Variants in CNTNAP2 observed in about 807,000 individuals in gnomAD.
The protein encoded by CNTNAP2 is contactin associated protein 2, also known as contactin-associated protein-like 2.
A neutral mutation model predicts 155.2 loss-of-function variants in CNTNAP2; 98 were observed. The observed-to-expected ratio is 0.63, with a 90% CI of 0.54 to 0.75. The LOEUF (loss-of-function observed/expected upper bound fraction) is 0.75, where lower values mean the gene tolerates loss of function less well. Among genes scored for constraint, CNTNAP2 ranks in the 30% least tolerant of loss-of-function variants. The pLI is 0.00. For missense variants in CNTNAP2, 1,727 were observed against 1,688.1 expected (o/e 1.02, Z -0.40); for synonymous variants, 651 against 631.2 (o/e 1.03, Z -0.47).
At chr7:147,009,372 T>C (rs867866078) in intron 3 of CNTNAP2, among the ~76,000 whole-genome samples, 2 of 152,280 alleles carry the variant, frequency 1.3e-5, no homozygotes, top group Middle Eastern at 6.8e-3. Flanking sequence ...TCAAGCCATA[T>C]AATGTCTAAC....
At chr7:147,083,984 A>G (rs1800210508) in intron 4 of CNTNAP2, among the ~76,000 whole-genome samples, 2 of 132,150 alleles carry the variant, frequency 1.5e-5, no homozygotes, top group Admixed American at 8.8e-5. Context: ...ATACACATAT[A>G]TGTATATATA....
intron 1 of CNTNAP2, among the ~76,000 whole-genome samples, chr7:146,716,972 A>T (rs148282685): frequency 8.5e-5 from 13 of 152,146 alleles, no homozygotes; most frequent in Admixed American, 7.9e-4. Context: ...ATTCAAGAAG[A>T]CAGACTCTCA....
At chr7:147,835,080 A>G (rs544820156) in intron 13 of CNTNAP2, among the ~76,000 whole-genome samples, 181 of 152,294 alleles carry the variant, frequency 1.2e-3, no homozygotes, top group African/African-American at 4.1e-3. Flanking sequence ...CTACCAAAGT[A>G]TCATTGTTTC....
At chr7:148,094,192 T>C (rs1185985856) in intron 15 of CNTNAP2, among the ~76,000 whole-genome samples, 1 of 152,244 alleles carries the variant, frequency 6.6e-6, no homozygotes, top group Non-Finnish European at 1.5e-5. Context: ...TTAATTTCTC[T>C]ATAAGCCTCA....
intron 8 of CNTNAP2, among the ~76,000 whole-genome samples, chr7:147,244,550 G>C (rs1470783262): frequency 6.6e-6 from 1 of 152,116 alleles, no homozygotes; most frequent in Non-Finnish European, 1.5e-5. Flanking sequence ...TAAATGCCAG[G>C]CACCAGTTTA....
intron 1 of CNTNAP2, among the ~76,000 whole-genome samples, chr7:146,484,540 A>G (rs947540754): frequency 6.6e-6 from 1 of 152,184 alleles, no homozygotes; most frequent in Non-Finnish European, 1.5e-5. Context: ...TATATTCACA[A>G]AAGAGTTGGT....
At chr7:146,405,308 T>C (rs1404978390) in intron 1 of CNTNAP2, among the ~76,000 whole-genome samples, 2 of 152,184 alleles carry the variant, frequency 1.3e-5, no homozygotes, top group Admixed American at 6.5e-5. Context: ...CAACCCTGAC[T>C]GAAAGAATCC....
In CNTNAP2 at chr7:147,269,210, G is replaced by C. The variant is rs1192381440; in HGVS notation, c.1349-30931G>C. 2.0e-5 allele frequency among the ~76,000 whole-genome samples: 3 copies of C among 152,106 alleles called. No homozygotes were observed. The East Asian group carries it at 5.8e-4, about 29-fold the overall frequency. On this transcript the variant is annotated intron_variant, in intron 8 of 23. Coordinates refer to ENST00000361727, the MANE Select transcript of CNTNAP2 (RefSeq NM_014141.6). The stretch of plus-strand genomic sequence containing the variant: ...AAAGACTTATTTTGTGTGTGTATAT[G>C]ACCATAAGATATTTCAAAATGCACT...
At chr7:146,568,437 G>A (rs922410507) in intron 1 of CNTNAP2, among the ~76,000 whole-genome samples, 3 of 152,038 alleles carry the variant, frequency 2.0e-5, no homozygotes, top group Non-Finnish European at 4.4e-5. Flanking sequence ...TTATATTGTC[G>A]TTAATTTACT....
chr7:146,219,183 T>C (rs1232221475), intron 1 of CNTNAP2, among the ~76,000 whole-genome samples: 1 of 152,090 alleles, frequency 6.6e-6, no homozygotes, highest in African/African-American at 2.4e-5. Flanking sequence ...AACAGCATGA[T>C]CATAAATCAC....
intron 1 of CNTNAP2, among the ~76,000 whole-genome samples, chr7:146,205,873 T>G (rs1476066663): frequency 6.6e-6 from 1 of 151,910 alleles, no homozygotes; most frequent in Non-Finnish European, 1.5e-5. Flanking sequence ...GACAGAAGTT[T>G]TATTCTTTCT....
intron 2 of CNTNAP2, among the ~76,000 whole-genome samples, chr7:146,787,672 G>C (rs993306094): frequency 1.3e-4 from 20 of 152,190 alleles, no homozygotes; most frequent in African/African-American, 4.3e-4. Context: ...TACCCGAGCA[G>C]GTTGTCACTG....
intron 11 of CNTNAP2, among the ~76,000 whole-genome samples, chr7:147,543,797 A>G (rs1247181451): frequency 1.3e-5 from 2 of 152,150 alleles, no homozygotes; most frequent in East Asian, 1.9e-4. Flanking sequence ...TCAGGATTCC[A>G]TACGCTCCAT....
intron 1 of CNTNAP2, among the ~76,000 whole-genome samples, chr7:146,682,663 T>C (rs1326216080): frequency 6.6e-6 from 1 of 152,170 alleles, no homozygotes; most frequent in Non-Finnish European, 1.5e-5. Context: ...AACTCTGTTG[T>C]GAAAAGAGTT....
At chr7:146,598,077 CT>C (rs1798890159) in intron 1 of CNTNAP2, among the ~76,000 whole-genome samples, 1 of 152,094 alleles carries the variant, frequency 6.6e-6, no homozygotes, top group Non-Finnish European at 1.5e-5. Flanking sequence ...CCTGCCTACT[CT>C]GTTTAATCAT....
chr7:146,558,524 C>T (rs1347523374), intron 1 of CNTNAP2, among the ~76,000 whole-genome samples: 1 of 152,090 alleles, frequency 6.6e-6, no homozygotes, highest in Non-Finnish European at 1.5e-5. Context: ...TCACCACAAT[C>T]TGTCATAACC....
intron 13 of CNTNAP2, among the ~76,000 whole-genome samples, chr7:147,856,378 G>A (rs1291414357): frequency 6.6e-6 from 1 of 152,036 alleles, no homozygotes; most frequent in South Asian, 2.1e-4. Flanking sequence ...CTCACTAATC[G>A]CCCTTCTCAT....
Position 146,413,052 on chromosome 7 carries a change from G to T in CNTNAP2, c.97+296079G>T, listed in dbSNP as rs946110788. ...AGGCTATTACAGTTACACAAACTGC[G>T]TTGCAGAGCAAAAAACAAAACAATT... On this transcript the variant is annotated intron_variant, in intron 1 of 23. Coordinates refer to ENST00000361727, the MANE Select transcript of CNTNAP2 (RefSeq NM_014141.6). 3.0e-4 allele frequency among the ~76,000 whole-genome samples: 46 copies of T among 151,682 alleles called. 1 individual carries two copies. The highest frequency in any genetic ancestry group is 1.2e-4 in the Non-Finnish European group (8 of 68,030).
intron 13 of CNTNAP2, among the ~76,000 whole-genome samples, chr7:147,814,415 T>A (rs367931983): frequency 6.6e-6 from 1 of 152,324 alleles, no homozygotes; most frequent in East Asian, 1.9e-4. Context: ...ATGGTGTAGC[T>A]GCATTTGGCA....
Sources: allele counts gnomAD v4.1 joint callset (sites outside exome capture counted in the v4.1 genomes callset), GRCh38; gene constraint gnomAD v4.1.1; transcripts MANE v1.5; gene names NCBI Gene and HGNC (gene_info 2026-07-23, HGNC 2026-07-21).